Variants in EMSY observed in about 807,000 individuals in gnomAD.
The protein encoded by EMSY is EMSY transcriptional repressor, BRCA2 interacting, also known as BRCA2-interacting transcriptional repressor EMSY.
Under a neutral mutation model 134.6 loss-of-function variants are expected in EMSY, and 26 were observed. That is an observed-to-expected ratio of 0.19 (90% CI 0.14 to 0.27). The LOEUF (loss-of-function observed/expected upper bound fraction) is 0.27, where lower values mean the gene tolerates loss of function less well. Ranked by LOEUF, EMSY falls within the 10% of genes least tolerant of loss-of-function variation. The probability of loss-of-function intolerance (pLI) is 1.00; values close to 1 mark genes in which losing one functional copy is unlikely to be tolerated. For missense variants in EMSY, 1,305 were observed against 1,611.4 expected (o/e 0.81, Z 3.26); for synonymous variants, 579 against 577.8 (o/e 1.00, Z -0.03).
intron 9 of EMSY, among the ~76,000 whole-genome samples, chr11:76,507,650 A>G (rs1355309076): frequency 9.9e-5 from 15 of 151,992 alleles, no homozygotes; most frequent in Non-Finnish European, 2.9e-5. Flanking sequence ...GACCTAAACC[A>G]CTCAAAGTCA....
intron 9 of EMSY, among the ~76,000 whole-genome samples, chr11:76,500,377 G>A (rs11236767): frequency 0.14 from 20,657 of 152,206 alleles, 1,775 homozygotes; most frequent in East Asian, 0.28. Flanking sequence ...GCATGGAGAA[G>A]TTCAAGACTA....
chr11:76,505,091 C>A (rs1367238660), intron 9 of EMSY, among the ~76,000 whole-genome samples: 1 of 152,130 alleles, frequency 6.6e-6, no homozygotes, highest in Admixed American at 6.5e-5. Context: ...GTTATGATGG[C>A]TGAACATATC....
Position 76,455,137 on chromosome 11 carries a change from T to C in EMSY, c.245+1749T>C, listed in dbSNP as rs946714831. ...TCTTTAATCTATTTGACCTCTCCCTTTCCCTCCTCTCTCCATCAGCATGGA... is the reference window on the plus strand; with the variant it reads ...TCTTTAATCTATTTGACCTCTCCCTCTCCCTCCTCTCTCCATCAGCATGGA... On this transcript the variant is annotated intron_variant, in intron 4 of 20. Transcript: ENST00000334736. 2.6e-5 allele frequency among the ~76,000 whole-genome samples: 4 copies of C among 152,298 alleles called. No homozygotes were observed. The East Asian group carries it at 7.7e-4, about 29-fold the overall frequency.
At chr11:76,509,321 T>C (rs1950190791) in intron 9 of EMSY, among the ~76,000 whole-genome samples, 2 of 152,096 alleles carry the variant, frequency 1.3e-5, no homozygotes, top group African/African-American at 4.8e-5. Flanking sequence ...GATGAAACCC[T>C]GTCTCTACTA....
intron 9 of EMSY, among the ~76,000 whole-genome samples, chr11:76,499,236 C>T (rs2135863335): frequency 7.0e-6 from 1 of 142,374 alleles, no homozygotes; most frequent in South Asian, 2.3e-4. Context: ...GCTAGGATTA[C>T]AGGTGTGAGC....
chr11:76,509,166 G>A (rs912508734), intron 9 of EMSY, among the ~76,000 whole-genome samples: 1 of 152,106 alleles, frequency 6.6e-6, no homozygotes, highest in African/African-American at 2.4e-5. Flanking sequence ...CAGACATAAT[G>A]TGAGCGCACA....
At chr11:76,498,313 C>G (rs1282937114) in intron 9 of EMSY, among the ~76,000 whole-genome samples, 3 of 152,050 alleles carry the variant, frequency 2.0e-5, no homozygotes, top group African/African-American at 7.2e-5. Context: ...GTGGAGTATT[C>G]TATATATGTA....
chr11:76,484,269 A>G (rs961291278), intron 8 of EMSY, among the ~76,000 whole-genome samples: 1 of 152,286 alleles, frequency 6.6e-6, no homozygotes, highest in Admixed American at 6.5e-5. Context: ...AGGGAAATTT[A>G]TAGCACTAAA....
rs193115253 is a variant in EMSY, at chr11:76,464,415, G to A, written c.831+335G>A. On this transcript the variant is annotated intron_variant, in intron 7 of 20. Coordinates refer to ENST00000334736, the Ensembl canonical transcript of EMSY. ...CTATATTTGTATGACCTTCCCTGTA[G>A]CAACTCAGGTTTTAATTTGCCAAAG... is the stretch of plus-strand genomic sequence containing the variant. 2.6e-5 allele frequency among the ~76,000 whole-genome samples: 4 copies of A among 152,288 alleles called. No individual in the cohort carries two copies. The East Asian group carries it at 5.8e-4, about 22-fold the overall frequency.
intron 19 of EMSY, 26 bp from the exon 21 acceptor site, chr11:76,545,769 AAC>A (rs985446767): frequency 2.5e-6 from 4 of 1,575,596 alleles, no homozygotes; most frequent in Non-Finnish European, 3.4e-6. Context: ...ATGTAGCTAT[AAC>A]ACACACAACC....
chr11:76,511,113 G>A (rs552153562), intron 9 of EMSY, among the ~76,000 whole-genome samples: 1 of 110,116 alleles, frequency 9.1e-6, no homozygotes, highest in East Asian at 3.3e-4. Context: ...AAGTACATTG[G>A]AATTACTTTC....
intron 9 of EMSY, among the ~76,000 whole-genome samples, chr11:76,500,076 CAA>C (rs66518169): frequency 1.0e-3 from 124 of 124,272 alleles, no homozygotes; most frequent in African/African-American, 1.9e-3. Flanking sequence ...GAGCCTATCT[CAA>C]AAAAAAAAAA....
intron 14 of EMSY, among the ~76,000 whole-genome samples, chr11:76,529,153 A>G (rs1323498855): frequency 6.6e-6 from 1 of 152,162 alleles, no homozygotes; most frequent in Non-Finnish European, 1.5e-5. Flanking sequence ...GAGACCTTCT[A>G]CAAATCTAGT....
In EMSY at chr11:76,528,452, C is replaced by T. The variant is rs764935082; in HGVS notation, c.2180C>T (p.Ser727Phe). 5 of 1,602,684 alleles carry T rather than the reference C, an allele frequency of 3.1e-6. No homozygotes were observed. The South Asian group carries it at 5.5e-5, about 18-fold the overall frequency. ...AGTAGTTCCTCTTCTACAGAGTCCTCCCAGAGTTCCCAAGGTAAGATCTAT... is the reference window on the plus strand; with the variant it reads ...AGTAGTTCCTCTTCTACAGAGTCCTTCCAGAGTTCCCAAGGTAAGATCTAT... The change falls in exon 14 of 21, where the codon TCC (serine) becomes TTC (phenylalanine). Residue 727 changes from serine (S) to phenylalanine (F), a missense_variant. By Grantham distance (155) the Ser-to-Phe change is radical (BLOSUM62 -2). Coordinates refer to ENST00000334736, the Ensembl canonical transcript of EMSY.
At chr11:76,480,063 G>T (rs975661104) in intron 8 of EMSY, among the ~76,000 whole-genome samples, 8 of 152,218 alleles carry the variant, frequency 5.3e-5, no homozygotes, top group Non-Finnish European at 8.8e-5. Flanking sequence ...GAAGCAGCAA[G>T]AAGTTCATTG....
intron 11 of EMSY, among the ~76,000 whole-genome samples, chr11:76,518,852 G>A (rs1950548494): frequency 1.3e-5 from 1 of 79,350 alleles, no homozygotes; most frequent in South Asian, 6.0e-4. Context: ...TTACTTATAG[G>A]CTGTCTTGTG....
intron 12 of EMSY, among the ~76,000 whole-genome samples, chr11:76,523,704 C>CTTTTTTTTTTTTTTTTTTTTTTT (rs746491659): frequency 3.7e-4 from 30 of 80,538 alleles, no homozygotes; most frequent in Non-Finnish European, 5.2e-4. Context: ...TTGTTACTTT[C>CTTTTTTTTTTTTTTTTTTTTTTT]TTTTTTTTTT....
At chr11:76,545,901 T>G in exon 20 of EMSY, 1 of 1,614,224 alleles carries the variant, frequency 6.2e-7, no homozygotes, top group Non-Finnish European at 8.5e-7. Flanking sequence ...GTTCTGTGCC[T>G]AAGCTGACAT....
At chr11:76,536,048 A>G in exon 15 of EMSY, 3 of 1,560,322 alleles carry the variant, frequency 1.9e-6, no homozygotes, top group South Asian at 1.2e-5. Context: ...TTAGAACTCC[A>G]ACAGACAACA....
Sources: gnomAD v4.1 joint callset for allele counts (sites outside exome capture counted in the v4.1 genomes callset) on GRCh38, gnomAD v4.1.1 for gene constraint, MANE v1.5 for transcripts, NCBI Gene and HGNC (gene_info 2026-07-23, HGNC 2026-07-21) for gene names.